CACNB2: variants seen among roughly 807,000 people sequenced by gnomAD.
The protein encoded by CACNB2 is calcium voltage-gated channel auxiliary subunit beta 2.
CACNB2 carries 42 observed loss-of-function variants against 73.3 expected under a neutral mutation model. That is an observed-to-expected ratio of 0.57 (90% CI 0.45 to 0.74). The LOEUF is 0.74. Among genes scored for constraint, CACNB2 ranks in the 30% least tolerant of loss-of-function variants. The pLI, the probability that CACNB2 is intolerant of heterozygous loss-of-function variation, is 0.00. For missense variants in CACNB2, 940 were observed against 853.0 expected (o/e 1.10, Z -1.27); for synonymous variants, 348 against 310.3 (o/e 1.12, Z -1.28).
At chr10:18,422,932 A>G (rs1419268504) in intron 3 of CACNB2, among the ~76,000 whole-genome samples, 1 of 152,216 alleles carries the variant, frequency 6.6e-6, no homozygotes, top group Non-Finnish European at 1.5e-5. Context: ...TCCTGACCTC[A>G]GGTGATCCAC....
At position 18,527,068 on chromosome 10, in the gene CACNB2, G is replaced by A. The variant is rs146723176; in HGVS notation, c.945-520G>A. 4.7e-3 allele frequency among the ~76,000 whole-genome samples: 710 copies of A among 152,284 alleles called. 8 individuals are homozygous for A. Among genetic ancestry groups the A allele is most frequent in the African/African-American group, 0.016 (663 of 41,548 alleles). On this transcript the variant is annotated intron_variant, in intron 9 of 13. Transcript: ENST00000324631. ...CTTATCTGACACTTGTAAGCAACAA[G>A]TAAGTGCAACGTAAGGCAGGTGCAG...
rs1259816883 is a variant in CACNB2 at position 18,542,494 on chromosome 10, G to A, written c.*2770G>A. On this transcript the variant is annotated 3_prime_UTR_variant, in exon 14 of 14. Transcript: ENST00000324631. ...AGAATATTTAAATTCTTGAAACATAGCTAGTATTTATCTTACTTGCTGCTA... is the reference window on the plus strand; with the variant it reads ...AGAATATTTAAATTCTTGAAACATAACTAGTATTTATCTTACTTGCTGCTA... The A allele has an allele frequency of 1.3e-5, 2 of 152,114 alleles. No individual in the cohort carries two copies. Among genetic ancestry groups the A allele is most frequent in the Non-Finnish European group, 2.9e-5 (2 of 68,026 alleles). The allele number at this position is 152,114 out of a possible 1,614,324, so 9.4% of individuals were successfully genotyped here. A position where few individuals can be genotyped will look rare whatever the true frequency, so the allele number is the denominator to read the frequency against.
At chr10:18,530,631 T>C (rs2052918643) in intron 10 of CACNB2, among the ~76,000 whole-genome samples, 1 of 151,364 alleles carries the variant, frequency 6.6e-6, no homozygotes, top group African/African-American at 2.4e-5. Flanking sequence ...AAAAACAGAA[T>C]GGTTGTATGG....
At chr10:18,236,351 G>A (rs538391943) in intron 2 of CACNB2, among the ~76,000 whole-genome samples, 4 of 152,202 alleles carry the variant, frequency 2.6e-5, no homozygotes, top group Admixed American at 6.5e-5. Context: ...AGGAAAGGGC[G>A]CAAGCCCACA....
At chr10:18,318,580 G>A (rs1484341529) in intron 2 of CACNB2, among the ~76,000 whole-genome samples, 1 of 152,000 alleles carries the variant, frequency 6.6e-6, no homozygotes, top group Non-Finnish European at 1.5e-5. Flanking sequence ...AAAGCAATTA[G>A]AACAAAAGCC....
chr10:18,225,232 C>G (rs1735445757), intron 2 of CACNB2, among the ~76,000 whole-genome samples: 1 of 151,930 alleles, frequency 6.6e-6, no homozygotes, highest in Non-Finnish European at 1.5e-5. Flanking sequence ...TACAAAATCC[C>G]TGGCAGAGGA....
At chr10:18,479,518 G>T (rs902827955) in intron 3 of CACNB2, among the ~76,000 whole-genome samples, 11 of 152,156 alleles carry the variant, frequency 7.2e-5, no homozygotes, top group African/African-American at 2.4e-4. Flanking sequence ...GATAGTACAT[G>T]ATATGGTTTG....
intron 1 of CACNB2, among the ~76,000 whole-genome samples, chr10:18,149,113 C>T (rs1296374587): frequency 1.3e-5 from 2 of 151,880 alleles, no homozygotes; most frequent in Non-Finnish European, 2.9e-5. Context: ...TGTCGCTACA[C>T]CCCCAAAGAA....
chr10:18,430,388 C>A (rs2045827912), intron 3 of CACNB2, among the ~76,000 whole-genome samples: 1 of 151,936 alleles, frequency 6.6e-6, no homozygotes. Flanking sequence ...ATCAGGATTT[C>A]TTTTTTTAGG....
In CACNB2 at chr10:18,140,711, C is replaced by A; in HGVS notation, c.-26C>A. On this transcript the variant is annotated 5_prime_UTR_variant, in exon 1 of 14. Coordinates refer to ENST00000324631, the MANE Select transcript of CACNB2 (RefSeq NM_201596.3). Reference sequence around the variant, plus strand: ...GGGACCCGCCGCCGGGGGCTGGCTGCTTCGCTCCGAGCCGACTTTTCGCCA... The same window carrying A: ...GGGACCCGCCGCCGGGGGCTGGCTGATTCGCTCCGAGCCGACTTTTCGCCA... The A allele has an allele frequency of 6.3e-7, 1 of 1,580,240 alleles. No individual in the cohort carries two copies. The highest frequency in any genetic ancestry group is 8.6e-7 in the Non-Finnish European group (1 of 1,163,602).
At chr10:18,219,092 G>A (rs1344758139) in intron 2 of CACNB2, among the ~76,000 whole-genome samples, 3 of 152,158 alleles carry the variant, frequency 2.0e-5, no homozygotes, top group African/African-American at 7.2e-5. Context: ...TTGAGCCTGG[G>A]AGGTCGAGGC....
intron 2 of CACNB2, among the ~76,000 whole-genome samples, chr10:18,275,886 G>C (rs550348430): frequency 6.6e-6 from 1 of 152,252 alleles, no homozygotes; most frequent in African/African-American, 2.4e-5. Flanking sequence ...TTTACTATCA[G>C]TTGTTATTAG....
chr10:18,318,942 A>T (rs2040296001), intron 2 of CACNB2, among the ~76,000 whole-genome samples: 1 of 152,230 alleles, frequency 6.6e-6, no homozygotes, highest in Admixed American at 6.5e-5. Flanking sequence ...AAAAGTCAGG[A>T]AACAATAGAT....
intron 2 of CACNB2, among the ~76,000 whole-genome samples, chr10:18,185,429 G>A (rs1054655745): frequency 1.3e-5 from 2 of 152,132 alleles, no homozygotes; most frequent in South Asian, 4.1e-4. Context: ...TGCTTCTGGT[G>A]AACATTTATT....
chr10:18,275,382 T>G (rs745435055), intron 2 of CACNB2, among the ~76,000 whole-genome samples: 1 of 152,192 alleles, frequency 6.6e-6, no homozygotes, highest in Non-Finnish European at 1.5e-5. Flanking sequence ...AATAAGGGGA[T>G]AGATACAAGA....
intron 2 of CACNB2, among the ~76,000 whole-genome samples, chr10:18,322,980 T>TG (rs2040449640): frequency 6.8e-6 from 1 of 146,796 alleles, no homozygotes. Context: ...TTTTTTTTTT[T>TG]GAGACAGGGT....
chr10:18,390,353 C>T (rs930316081), intron 2 of CACNB2, among the ~76,000 whole-genome samples: 3 of 152,206 alleles, frequency 2.0e-5, no homozygotes, highest in Admixed American at 1.3e-4. Context: ...CCTGGGACTA[C>T]AGGCACCCGC....
chr10:18,305,691 T>G (rs12248370), intron 2 of CACNB2, among the ~76,000 whole-genome samples: 5,017 of 152,222 alleles, frequency 0.033, 283 homozygotes, highest in African/African-American at 0.12. Flanking sequence ...AATTTGTAAG[T>G]GTTGGCTTCA....
intron 2 of CACNB2, among the ~76,000 whole-genome samples, chr10:18,343,774 C>G (rs2041330230): frequency 6.6e-6 from 1 of 152,122 alleles, no homozygotes. Context: ...AGTGTGACTT[C>G]TAATTGGAGA....
Sources: allele counts gnomAD v4.1 joint callset (sites outside exome capture counted in the v4.1 genomes callset), GRCh38; gene constraint gnomAD v4.1.1; transcripts MANE v1.5; gene names NCBI Gene and HGNC (gene_info 2026-07-23, HGNC 2026-07-21).